DCAF6: variants seen among roughly 807,000 people sequenced by gnomAD.
The protein encoded by DCAF6 is DDB1 and CUL4 associated factor 6.
In DCAF6, 54 loss-of-function variants were observed where a neutral mutation model predicts 125.1. The observed-to-expected ratio is 0.43, with a 90% CI of 0.35 to 0.54. The LOEUF (loss-of-function observed/expected upper bound fraction) is 0.54. Among genes scored for constraint, DCAF6 ranks in the 20% least tolerant of loss-of-function variants. The pLI, the probability that DCAF6 is intolerant of heterozygous loss-of-function variation, is 0.01. For missense variants in DCAF6, 934 were observed against 1,161.7 expected, an observed-to-expected ratio of 0.80 and a Z score of 2.85; for synonymous variants, 371 against 390.4, an observed-to-expected ratio of 0.95 and a Z score of 0.58.
At chr1:168,012,687 A>G (rs1028508583) in intron 10 of DCAF6, among the ~76,000 whole-genome samples, 1 of 152,176 alleles carries the variant, frequency 6.6e-6, no homozygotes, top group Non-Finnish European at 1.5e-5. Context: ...TGCTTTTCCT[A>G]GTTAACAGCT....
chr1:167,945,210 T>C (rs1672878900), intron 1 of DCAF6, among the ~76,000 whole-genome samples: 1 of 152,230 alleles, frequency 6.6e-6, no homozygotes, highest in South Asian at 2.1e-4. Flanking sequence ...TTGGGGCTTC[T>C]TTTTGGTTCC....
chr1:168,052,476 T>G (rs1690068952), intron 17 of DCAF6, among the ~76,000 whole-genome samples: 2 of 152,224 alleles, frequency 1.3e-5, no homozygotes, highest in Admixed American at 6.5e-5. Flanking sequence ...ATTTTATTTC[T>G]TATGTAGAGA....
chr1:167,876,325 G>C, the DCAF6 span, among the ~76,000 whole-genome samples: 2 of 151,906 alleles, frequency 1.3e-5, no homozygotes, highest in South Asian at 4.2e-4. Context: ...GGCACAAAGA[G>C]TTTAATTGCC....
chr1:168,065,681 A>T lies in DCAF6; in HGVS notation c.2531A>T (p.His844Leu). 6 of 1,613,240 alleles carry T rather than the reference A, an allele frequency of 3.7e-6. No individual in the cohort carries two copies. Among genetic ancestry groups the T allele is most frequent in the Non-Finnish European group, 5.1e-6 (6 of 1,179,454 alleles). Reference sequence around the variant, plus strand: ...ATCTGGGATCGGCACACTGCTGAGCATTTGATGCTTCTGGAAGCTGATAAT... The same window carrying T: ...ATCTGGGATCGGCACACTGCTGAGCTTTTGATGCTTCTGGAAGCTGATAAT... ...IFIWDRHTAE[H>L]LMLLEADNHV... Residue 844 changes from histidine to leucine, a missense_variant, in exon 19 of 22, where the codon CAT becomes CTT. Physicochemically the swap from His to Leu is moderately conservative, Grantham distance 99. This residue lies in a region of DCAF6 where 559 missense variants were observed against 635.5 expected (regional missense o/e 0.88). Coordinates refer to ENST00000367840, the MANE Select transcript of DCAF6 (RefSeq NM_001198956.2).
chr1:167,979,748 G>A (rs1425856328), intron 4 of DCAF6, among the ~76,000 whole-genome samples: 8 of 152,142 alleles, frequency 5.3e-5, no homozygotes, highest in Non-Finnish European at 1.0e-4. Flanking sequence ...TTAGCCAGGC[G>A]TGGTGGCAGG....
chr1:167,898,350 C>T, the DCAF6 span, among the ~76,000 whole-genome samples: 3 of 152,046 alleles, frequency 2.0e-5, no homozygotes, highest in Non-Finnish European at 4.4e-5. Context: ...CCTATAATCC[C>T]AGCACTTTGG....
rs147060520 is a variant in DCAF6 at position 167,980,777 on chromosome 1, G to A, written c.438+5762G>A. On this transcript the variant is annotated intron_variant, in intron 4 of 21. Coordinates refer to ENST00000367840, the MANE Select transcript of DCAF6 (RefSeq NM_001198956.2). ...ACATGGTTCACAAATATTTTCACCC[G>A]TTCCATGGATTGTCTTTTTACCCTG... Among the ~76,000 whole-genome samples, 922 of 151,676 alleles carry A rather than the reference G, an allele frequency of 6.1e-3. 3 individuals carry two copies. Among genetic ancestry groups the A allele is most frequent in the Non-Finnish European group, 9.5e-3 (643 of 67,914 alleles).
chr1:167,995,294 G>A (rs1264997093), intron 7 of DCAF6, among the ~76,000 whole-genome samples: 3 of 152,182 alleles, frequency 2.0e-5, no homozygotes, highest in African/African-American at 7.2e-5. Flanking sequence ...ATGAGGCTGA[G>A]TCATGAACAT....
chr1:168,042,341 C>T (rs1274262232), intron 13 of DCAF6, among the ~76,000 whole-genome samples: 2 of 152,032 alleles, frequency 1.3e-5, no homozygotes, highest in Admixed American at 1.3e-4. Flanking sequence ...CCTCTTGTTA[C>T]ACATATGCCA....
At chr1:167,998,740 TGTTA>T (rs1219905093) in intron 7 of DCAF6, 1 of 153,434 alleles carries the variant, frequency 6.5e-6, no homozygotes, top group Non-Finnish European at 1.5e-5. Context: ...ACTCCTTATC[TGTTA>T]GTTTTATCAT....
the DCAF6 span, among the ~76,000 whole-genome samples, chr1:167,898,327 G>A: frequency 4.6e-5 from 7 of 152,134 alleles, no homozygotes; most frequent in Non-Finnish European, 5.9e-5. Flanking sequence ...GAGGCTGGGC[G>A]TGGTGGCTTA....
intron 4 of DCAF6, among the ~76,000 whole-genome samples, chr1:167,975,450 A>G (rs1211925990): frequency 1.3e-5 from 2 of 152,252 alleles, no homozygotes; most frequent in African/African-American, 4.8e-5. Flanking sequence ...TTCCTAAAGG[A>G]TATTAATGAG....
rs367603056 is a variant in DCAF6 at position 167,946,980 on chromosome 1, C to T, written c.98-4820C>T. On this transcript the variant is annotated intron_variant, in intron 1 of 21. Coordinates refer to ENST00000367840, the MANE Select transcript of DCAF6 (RefSeq NM_001198956.2). ...TCTTCTTTGTACATTTGGTAGAATT[C>T]GGCTGTGAAGCCATCTGGTACTGGG... Among the ~76,000 whole-genome samples, 7 of 152,190 alleles carry T rather than the reference C, an allele frequency of 4.6e-5. No individual in the cohort carries two copies. The East Asian group carries it at 5.8e-4, about 13-fold the overall frequency.
At chr1:167,881,852 C>T in the DCAF6 span, among the ~76,000 whole-genome samples, 1 of 152,270 alleles carries the variant, frequency 6.6e-6, no homozygotes, top group South Asian at 2.1e-4. Flanking sequence ...CTTATGATAC[C>T]CATGGGTCAG....
chr1:167,942,982 C>G (rs994432310), intron 1 of DCAF6, among the ~76,000 whole-genome samples: 1 of 152,166 alleles, frequency 6.6e-6, no homozygotes, highest in African/African-American at 2.4e-5. Context: ...TCTTGGCTCA[C>G]TACAAGCTCC....
the DCAF6 span, among the ~76,000 whole-genome samples, chr1:167,887,385 G>A: frequency 7.9e-4 from 121 of 152,322 alleles, no homozygotes; most frequent in Admixed American, 2.2e-3. Flanking sequence ...ATGAGTTCAC[G>A]TCCTTTGTAG....
intron 17 of DCAF6, among the ~76,000 whole-genome samples, chr1:168,062,902 A>G (rs1376871317): frequency 6.7e-6 from 1 of 150,164 alleles, no homozygotes; most frequent in Non-Finnish European, 1.5e-5. Context: ...TATTGCTTAT[A>G]TATTAATATT....
intron 12 of DCAF6, among the ~76,000 whole-genome samples, chr1:168,036,077 A>G (rs994688643): frequency 3.3e-5 from 5 of 152,144 alleles, no homozygotes; most frequent in African/African-American, 1.2e-4. Context: ...AAATAAAAAC[A>G]AAACAAAACA....
chr1:168,066,107 C>T (rs1405702066), intron 19 of DCAF6, among the ~76,000 whole-genome samples: 1 of 152,168 alleles, frequency 6.6e-6, no homozygotes, highest in Non-Finnish European at 1.5e-5. Flanking sequence ...TGCTCGTCTT[C>T]TTTTTGAAAT....
Sources: gnomAD v4.1 joint callset for allele counts (sites outside exome capture counted in the v4.1 genomes callset) on GRCh38, gnomAD v4.1.1 for gene constraint, gnomAD v4.1.1 regional missense constraint, MANE v1.5 for transcripts, NCBI Gene and HGNC (gene_info 2026-07-23, HGNC 2026-07-21) for gene names.